The following CRISP1 variants were observed in gnomAD, a reference collection of about 807,000 sequenced individuals.
CRISP1 encodes cysteine rich secretory protein 1.
Under a neutral mutation model 33.1 loss-of-function variants are expected in CRISP1, and 44 were observed. That is an observed-to-expected ratio of 1.33 (90% CI 1.05 to 1.71). The LOEUF (loss-of-function observed/expected upper bound fraction) is 1.71, where lower values mean the gene tolerates loss of function less well. Ranked by LOEUF, CRISP1 falls within the 40% of genes most tolerant of loss-of-function variation. CRISP1 has a pLI of 0.00. For synonymous variants in CRISP1, 103 were observed against 98.7 expected (o/e 1.04, Z -0.26); for missense variants, 390 against 301.2 (o/e 1.29, Z -2.18).
At position 49,835,410 on chromosome 6, in the gene CRISP1, T is replaced by C; in HGVS notation, c.656A>G (p.Asp219Gly). The stretch of plus-strand genomic sequence containing the variant: ...CAGATAATGGACTTGTATGTCACAG[T>C]CGAAGTATTCATCATAGTAGATGCA... ...NPCIYYDEYF[D>G]CDIQVHYLGC... The change falls in exon 8 of 8, where the codon GAC becomes GGC. Residue 219 changes from aspartate (D) to glycine (G), a missense_variant. Asp to Gly is a moderately conservative substitution (Grantham distance 94, BLOSUM62 -1). Transcript: ENST00000335847. The C allele has an allele frequency of 2.5e-6, 4 of 1,613,706 alleles. No homozygotes were observed. Among genetic ancestry groups the C allele is most frequent in the Non-Finnish European group, 2.5e-6 (3 of 1,179,664 alleles).
chr6:49,846,722 C>T, intron 4 of CRISP1, 54 bp from the exon 5 acceptor site: 1 of 1,531,248 alleles, frequency 6.5e-7, no homozygotes, highest in Non-Finnish European at 8.9e-7. Context: ...AAATAGTATA[C>T]AAGGAGACTT....
chr6:49,845,760 G>T (rs1771144626), intron 5 of CRISP1, among the ~76,000 whole-genome samples: 1 of 150,812 alleles, frequency 6.6e-6, no homozygotes, highest in East Asian at 1.9e-4. Context: ...CAAGCAAAAG[G>T]TGATATACAC....
intron 7 of CRISP1, among the ~76,000 whole-genome samples, chr6:49,837,280 A>G (rs1483002915): frequency 6.6e-6 from 1 of 152,196 alleles, no homozygotes; most frequent in Non-Finnish European, 1.5e-5. Flanking sequence ...TACATCATCT[A>G]TGTGATATAA....
intron 2 of CRISP1, among the ~76,000 whole-genome samples, chr6:49,854,730 T>C (rs1771446665): frequency 6.6e-6 from 1 of 152,150 alleles, no homozygotes; most frequent in African/African-American, 2.4e-5. Context: ...CAATAATATG[T>C]TCTCTATTCT....
At chr6:49,855,729 G>C (rs1445066777) in intron 2 of CRISP1, among the ~76,000 whole-genome samples, 1 of 152,058 alleles carries the variant, frequency 6.6e-6, no homozygotes, top group Non-Finnish European at 1.5e-5. Context: ...AACAATTTTT[G>C]TTAAATTAGA....
intron 6 of CRISP1, among the ~76,000 whole-genome samples, chr6:49,840,154 G>A (rs983508219): frequency 6.6e-6 from 1 of 152,288 alleles, no homozygotes; most frequent in African/African-American, 2.4e-5. Context: ...TCAAATATCA[G>A]GCAGTTCTAT....
intron 1 of CRISP1, 28 bp from the exon 2 acceptor site, chr6:49,857,430 T>A (rs539092809): frequency 2.5e-6 from 4 of 1,586,272 alleles, no homozygotes; most frequent in Middle Eastern, 1.7e-4. Context: ...CAATTTTAGA[T>A]TATTCTCAAT....
chr6:49,842,591 C>T (rs994525226), intron 5 of CRISP1, among the ~76,000 whole-genome samples: 2 of 152,100 alleles, frequency 1.3e-5, no homozygotes, highest in Non-Finnish European at 2.9e-5. Flanking sequence ...GTGGTATATT[C>T]CCCCACTGGG....
At chr6:49,847,613 G>A (rs368559978) in intron 4 of CRISP1, among the ~76,000 whole-genome samples, 10 of 152,224 alleles carry the variant, frequency 6.6e-5, no homozygotes, top group East Asian at 5.8e-4. Context: ...ATAAGCTAAT[G>A]AAATCTCTTC....
At chr6:49,861,603 G>T (rs1771654615) in intron 1 of CRISP1, among the ~76,000 whole-genome samples, 1 of 152,032 alleles carries the variant, frequency 6.6e-6, no homozygotes, top group South Asian at 2.1e-4. Flanking sequence ...ACCTAGCTCG[G>T]CCAGGCACGG....
chr6:49,873,155 A>G (rs756988741), intron 1 of CRISP1, among the ~76,000 whole-genome samples: 13 of 152,030 alleles, frequency 8.6e-5, no homozygotes, highest in Non-Finnish European at 1.5e-4. Flanking sequence ...CATGTACCCT[A>G]AAACTTAAGT....
chr6:49,868,554 A>G (rs1000316088), upstream of CRISP1, among the ~76,000 whole-genome samples: 12 of 152,328 alleles, frequency 7.9e-5, no homozygotes, highest in East Asian at 2.3e-3. Context: ...GCCCAGATAT[A>G]TAATACATGT....
intron 1 of CRISP1, among the ~76,000 whole-genome samples, chr6:49,859,504 C>G (rs1771586420): frequency 6.6e-6 from 1 of 151,272 alleles, no homozygotes. Context: ...CAAGCAAAAG[C>G]TAAGGGAATT....
At chr6:49,851,687 A>G (rs192477514) in intron 3 of CRISP1, among the ~76,000 whole-genome samples, 1 of 152,282 alleles carries the variant, frequency 6.6e-6, no homozygotes, top group Non-Finnish European at 1.5e-5. Context: ...ATGAATCAGG[A>G]TATCAGAGAG....
At chr6:49,862,254 C>A (rs954383470) in intron 1 of CRISP1, among the ~76,000 whole-genome samples, 1 of 151,800 alleles carries the variant, frequency 6.6e-6, no homozygotes, top group African/African-American at 2.4e-5. Flanking sequence ...AAAGAAAATA[C>A]GTAAAGATAA....
chr6:49,855,671 G>A (rs1001756207), intron 2 of CRISP1, among the ~76,000 whole-genome samples: 2 of 152,036 alleles, frequency 1.3e-5, no homozygotes, highest in African/African-American at 2.4e-5. Flanking sequence ...AACTTTTTGT[G>A]TAACATCTAC....
chr6:49,852,756 AT>A (rs1336748455), intron 2 of CRISP1, among the ~76,000 whole-genome samples: 2 of 151,956 alleles, frequency 1.3e-5, no homozygotes, highest in African/African-American at 4.8e-5. Flanking sequence ...CGTTCTTTTC[AT>A]TTATTTATTT....
intron 2 of CRISP1, among the ~76,000 whole-genome samples, chr6:49,855,118 T>C (rs1771457588): frequency 6.6e-6 from 1 of 152,152 alleles, no homozygotes; most frequent in Non-Finnish European, 1.5e-5. Flanking sequence ...AAACACACTC[T>C]TTATTTTTCT....
intron 1 of CRISP1, among the ~76,000 whole-genome samples, chr6:49,874,621 A>G (rs1771997234): frequency 2.0e-5 from 3 of 152,132 alleles, no homozygotes; most frequent in Non-Finnish European, 4.4e-5. Context: ...ACTTCAGGTC[A>G]ATATCCTTGA....
Sources: allele counts gnomAD v4.1 joint callset (sites outside exome capture counted in the v4.1 genomes callset), GRCh38; gene constraint gnomAD v4.1.1; transcripts MANE v1.5; gene names NCBI Gene and HGNC (gene_info 2026-07-23, HGNC 2026-07-21).